Variants in HCN3 observed in about 807,000 individuals in gnomAD.
HCN3 encodes the protein potassium/sodium hyperpolarization-activated cyclic nucleotide-gated channel 3.
A neutral mutation model predicts 56.8 loss-of-function variants in HCN3; 36 were observed. The ratio of observed to expected loss-of-function variants is 0.63; its 90% CI spans 0.49 to 0.84. HCN3 has a LOEUF of 0.84. HCN3 is among the 40% of genes least tolerant of loss of function. The probability of loss-of-function intolerance (pLI) is 0.00; values close to 1 mark genes in which losing one functional copy is unlikely to be tolerated. For missense variants in HCN3, 930 were observed against 1,079.3 expected (o/e 0.86, Z 1.94); for synonymous variants, 425 against 439.7 (o/e 0.97, Z 0.42).
chr1:155,288,646 C>T lies in HCN3; in HGVS notation c.*183C>T. ...TGTCCTCAGCTCAAGAATCCTGTAG[C>T]TTGTCCCATCATAATCCATTCACCC... On this transcript the variant is annotated 3_prime_UTR_variant, in exon 8 of 8. Coordinates refer to ENST00000368358, the MANE Select transcript of HCN3 (RefSeq NM_020897.3). The surrounding 1 kb of genome is among the most constrained non-coding windows in gnomAD (Gnocchi z 6.5). The T allele has an allele frequency of 1.4e-6, 1 of 723,290 alleles. No homozygotes were observed. Among genetic ancestry groups the T allele is most frequent in the Non-Finnish European group, 2.2e-6 (1 of 456,160 alleles). The allele number at this position is 723,290 out of a possible 1,614,324, so 44.8% of individuals were successfully genotyped here.
chr1:155,287,073 A>G, intron 6 of HCN3, 100 bp from the exon 7 acceptor site: 1 of 1,362,948 alleles, frequency 7.3e-7, no homozygotes, highest in Non-Finnish European at 1.0e-6. Flanking sequence ...TCCCAAGTCT[A>G]GGGAGGAGCC....
At chr1:155,281,343 A>T (rs1358144180) in intron 1 of HCN3, among the ~76,000 whole-genome samples, 1 of 151,826 alleles carries the variant, frequency 6.6e-6, no homozygotes, top group Non-Finnish European at 1.5e-5. Flanking sequence ...TGCTGGGATT[A>T]CAGGCGTGAG....
chr1:155,278,448 G>A (rs1673895269), intron 1 of HCN3: 1 of 156,386 alleles, frequency 6.4e-6, no homozygotes, highest in South Asian at 1.9e-4. Flanking sequence ...AGTGACTGAG[G>A]CGGCAAAGCA....
At position 155,287,080 on chromosome 1, in the gene HCN3, A is replaced by G. The variant is rs150711836; in HGVS notation, c.1478-93A>G. 19 of 1,425,346 alleles carry G rather than the reference A, an allele frequency of 1.3e-5. No individual in the cohort carries two copies. In the African/African-American group the frequency reaches 2.0e-4, roughly 15 times the overall value. 88.3% of individuals were successfully genotyped at this position (1,425,346 alleles called of 1,614,324 possible). ...ATGGTTTCTCCCAAGTCTAGGGAGG[A>G]GCCTTAGAAAGTTGGGTCCACTGCT... On this transcript the variant is annotated intron_variant, in intron 6 of 7. Transcript: ENST00000368358.
At chr1:155,287,413 T>G in intron 7 of HCN3, 76 bp downstream of exon 7, 1 of 1,541,538 alleles carries the variant, frequency 6.5e-7, no homozygotes, top group African/African-American at 1.4e-5. Flanking sequence ...GAGCCCAGGC[T>G]TTAGGGCTCC....
chr1:155,279,785 C>T (rs1262837688), intron 1 of HCN3, among the ~76,000 whole-genome samples: 1 of 151,870 alleles, frequency 6.6e-6, no homozygotes, highest in Non-Finnish European at 1.5e-5. Flanking sequence ...CATCTATTGT[C>T]TCCATGTAAA....
intron 1 of HCN3, among the ~76,000 whole-genome samples, chr1:155,280,736 C>CTT (rs1557945237): frequency 4.8e-5 from 5 of 104,946 alleles, no homozygotes; most frequent in African/African-American, 7.9e-5. Context: ...CCACGCCCAG[C>CTT]TATTTTTTTT....
intron 1 of HCN3, among the ~76,000 whole-genome samples, chr1:155,281,671 A>G (rs2148172487): frequency 6.6e-6 from 1 of 152,140 alleles, no homozygotes; most frequent in East Asian, 1.9e-4. Flanking sequence ...GCCTGGCCTA[A>G]TTTTTAACTT....
Position 155,277,817 on chromosome 1 carries a change from A to G in HCN3, c.227A>G (p.Glu76Gly). ...GSHKAVEIEQ[E>G]RVKSAGAWII... ...CACAAAGCAGTGGAAATCGAGCAGG[A>G]GCGGGTGAAGTCAGCGGGGGCCTGG... The change falls in exon 1 of 8, where the codon GAG becomes GGG. Residue 76 changes from glutamate to glycine, a missense_variant. By Grantham distance (98) the Glu-to-Gly change is moderately conservative (BLOSUM62 -2). Coordinates refer to ENST00000368358, the MANE Select transcript of HCN3 (RefSeq NM_020897.3). 6.2e-7 allele frequency: 1 copy of G among 1,612,434 alleles called. No homozygotes were observed. The highest frequency in any genetic ancestry group is 8.5e-7 in the Non-Finnish European group (1 of 1,179,950).
rs1039180040 is a variant in HCN3 at position 155,284,304 on chromosome 1, C to T, written c.870+169C>T. On this transcript the variant is annotated intron_variant, in intron 3 of 7. Coordinates refer to ENST00000368358, the MANE Select transcript of HCN3 (RefSeq NM_020897.3). This position sits in a 1 kb window ranked among gnomAD's most constrained non-coding sequence, Gnocchi z 4.3. Reference sequence around the variant, plus strand: ...GGGAAGGAGACCCAGAAGAAGTGCTCGTGTGTTGGAGGGAGCAGGCAAAGG... The same window carrying T: ...GGGAAGGAGACCCAGAAGAAGTGCTTGTGTGTTGGAGGGAGCAGGCAAAGG... 39 of 885,330 alleles carry T rather than the reference C, an allele frequency of 4.4e-5. No homozygotes were observed. The Admixed American group carries it at 5.4e-4, about 12-fold the overall frequency. The allele number at this position is 885,330 out of a possible 1,614,324, so 54.8% of individuals were successfully genotyped here. A position where few individuals can be genotyped will look rare whatever the true frequency, so the allele number is the denominator to read the frequency against.
rs1404622401 is a variant in HCN3, at chr1:155,285,344, T to C, written c.1236+33T>C. ...TGGGTTGGGCCTGGAAGGGGGGCTCTTCAGGGACCTGGAGTGCTGTCTGGT... is the reference window on the plus strand; with the variant it reads ...TGGGTTGGGCCTGGAAGGGGGGCTCCTCAGGGACCTGGAGTGCTGTCTGGT... On this transcript the variant is annotated intron_variant, in intron 5 of 7. Transcript: ENST00000368358. This position sits in a 1 kb window ranked among gnomAD's most constrained non-coding sequence, Gnocchi z 4.5. 8 of 1,610,500 alleles carry C rather than the reference T, an allele frequency of 5.0e-6. No homozygotes were observed. Among genetic ancestry groups the C allele is most frequent in the Non-Finnish European group, 6.8e-6 (8 of 1,177,912 alleles).
In HCN3 at chr1:155,282,467, C is replaced by A; in HGVS notation, c.335C>A (p.Pro112His). The A allele has an allele frequency of 6.2e-7, 1 of 1,614,240 alleles. No individual in the cohort carries two copies. ...LLMVGNLIVL[P>H]VGITFFKEEN... ...ATGGTGGGGAACCTCATCGTCCTGC[C>A]TGTGGGCATCACCTTCTTCAAGGAG... Residue 112 changes from proline (P) to histidine (H), a missense_variant, in exon 2 of 8, where the codon CCT becomes CAT. By Grantham distance (77) the Pro-to-His change is moderately conservative. Transcript: ENST00000368358. This position sits in a 1 kb window ranked among gnomAD's most constrained non-coding sequence, Gnocchi z 4.7.
intron 7 of HCN3, 38 bp from the exon 8 acceptor site, chr1:155,287,743 C>T (rs778879269): frequency 6.5e-6 from 10 of 1,540,238 alleles, no homozygotes; most frequent in Non-Finnish European, 8.8e-6. Context: ...TGGATTCCTT[C>T]CCTATCCTTA....
chr1:155,277,890 G>A, intron 1 of HCN3, 22 bp downstream of exon 1: 1 of 1,609,014 alleles, frequency 6.2e-7, no homozygotes, highest in Non-Finnish European at 8.5e-7. Flanking sequence ...TTGGCGGGGA[G>A]GGCAGGGTAC....
At chr1:155,279,383 C>T (rs1013387028) in intron 1 of HCN3, among the ~76,000 whole-genome samples, 1 of 152,178 alleles carries the variant, frequency 6.6e-6, no homozygotes, top group Non-Finnish European at 1.5e-5. Flanking sequence ...CAGCCAGAGT[C>T]CCAGTGGACA....
chr1:155,278,130 T>C (rs2148163029), intron 1 of HCN3, among the ~76,000 whole-genome samples: 1 of 152,276 alleles, frequency 6.6e-6, no homozygotes, highest in Non-Finnish European at 1.5e-5. Context: ...GACCTGGATT[T>C]CCTCTTTCAG....
At chr1:155,279,022 A>G (rs928184836) in intron 1 of HCN3, among the ~76,000 whole-genome samples, 2 of 152,154 alleles carry the variant, frequency 1.3e-5, no homozygotes, top group African/African-American at 4.8e-5. Flanking sequence ...TTAGTGTCTC[A>G]CAATACAGGA....
At position 155,282,264 on chromosome 1, in the gene HCN3, C is replaced by G; in HGVS notation, c.279-147C>G. 2 of 752,250 alleles carry G rather than the reference C, an allele frequency of 2.7e-6. No homozygotes were observed. Among genetic ancestry groups the G allele is most frequent in the Non-Finnish European group, 4.3e-6 (2 of 464,926 alleles). 46.6% of individuals were successfully genotyped at this position (752,250 alleles called of 1,614,324 possible). ...CTGAACTATTTTCCCAAATGGTGGT[C>G]CCAACTTATACTCCCAACAGCTGTA... On this transcript the variant is annotated intron_variant, in intron 1 of 7. Coordinates refer to ENST00000368358, the MANE Select transcript of HCN3 (RefSeq NM_020897.3). The surrounding 1 kb of genome is among the most constrained non-coding windows in gnomAD (Gnocchi z 4.7).
chr1:155,285,944 C>G lies in HCN3; in HGVS notation c.1457C>G (p.Thr486Ser). 1.3e-6 allele frequency: 2 copies of G among 1,592,132 alleles called. No homozygotes were observed. Among genetic ancestry groups the G allele is most frequent in the Non-Finnish European group, 1.7e-6 (2 of 1,164,826 alleles). ...LARGARDTRL[T>S]DGSYFGEICL... ...CGCGGCGCCCGGGACACACGCCTCACCGATGGATCCTACTTTGGGGGTCAG... is the reference window on the plus strand; with the variant it reads ...CGCGGCGCCCGGGACACACGCCTCAGCGATGGATCCTACTTTGGGGGTCAG... Residue 486 changes from threonine to serine, a missense_variant, in exon 6 of 8, where the codon ACC becomes AGC. Transcript: ENST00000368358. This position sits in a 1 kb window ranked among gnomAD's most constrained non-coding sequence, Gnocchi z 4.5.
Sources: allele counts gnomAD v4.1 joint callset (sites outside exome capture counted in the v4.1 genomes callset), GRCh38; gene constraint gnomAD v4.1.1; non-coding constraint Gnocchi (gnomAD v3.1); transcripts MANE v1.5; gene names NCBI Gene and HGNC (gene_info 2026-07-23, HGNC 2026-07-21).